Variants in ANKRD6 observed in about 807,000 individuals in gnomAD.
The protein encoded by ANKRD6 is ankyrin repeat domain-containing protein 6.
Under a neutral mutation model 82.3 loss-of-function variants are expected in ANKRD6, and 56 were observed. The observed-to-expected ratio is 0.68, with a 90% confidence interval of 0.55 to 0.85. The LOEUF is 0.85. Ranked by LOEUF, ANKRD6 falls within the 40% of genes least tolerant of loss-of-function variation. The pLI, the probability that ANKRD6 is intolerant of heterozygous loss-of-function variation, is 0.00. For synonymous variants in ANKRD6, 347 were observed against 352.1 expected, an observed-to-expected ratio of 0.99 and a Z score of 0.16; for missense variants, 852 against 907.6, an observed-to-expected ratio of 0.94 and a Z score of 0.79.
At chr6:89,566,169 C>T (rs1033469901) in intron 1 of ANKRD6, among the ~76,000 whole-genome samples, 4 of 152,254 alleles carry the variant, frequency 2.6e-5, no homozygotes, top group Non-Finnish European at 4.4e-5. Context: ...TTGGCAGAGC[C>T]ACTGTTAGTG....
intron 10 of ANKRD6, among the ~76,000 whole-genome samples, 183 bp downstream of exon 10, chr6:89,622,209 G>C (rs1803650190): frequency 6.6e-6 from 1 of 152,186 alleles, no homozygotes; most frequent in African/African-American, 2.4e-5. Flanking sequence ...CATTCCCCAA[G>C]GTTTCAGGCC....
chr6:89,579,468 TCG>T (rs1278082351), intron 2 of ANKRD6, among the ~76,000 whole-genome samples: 1 of 152,074 alleles, frequency 6.6e-6, no homozygotes, highest in Admixed American at 6.6e-5. Context: ...CCTCATGAGA[TCG>T]CCATCAAGAC....
chr6:89,566,200 C>T (rs1788480259), intron 1 of ANKRD6, among the ~76,000 whole-genome samples: 1 of 152,244 alleles, frequency 6.6e-6, no homozygotes. Flanking sequence ...GTGTTGTCCC[C>T]AAGGTGGATT....
intron 4 of ANKRD6, among the ~76,000 whole-genome samples, chr6:89,605,331 G>A (rs1011480224): frequency 1.3e-5 from 2 of 151,506 alleles, no homozygotes; most frequent in Non-Finnish European, 3.0e-5. Context: ...GCAGTGAGCT[G>A]AGATCACACC....
intron 1 of ANKRD6, among the ~76,000 whole-genome samples, chr6:89,488,954 C>T (rs1477193236): frequency 2.0e-5 from 3 of 150,434 alleles, no homozygotes; most frequent in African/African-American, 7.4e-5. Flanking sequence ...TGCTTGTGAC[C>T]TATTAACTTA....
chr6:89,573,270 A>G (rs1480300566), intron 2 of ANKRD6, among the ~76,000 whole-genome samples: 4 of 152,194 alleles, frequency 2.6e-5, no homozygotes, highest in Non-Finnish European at 5.9e-5. Context: ...TAAAAAATAT[A>G]TATCTTATTA....
chr6:89,439,986 C>A (rs1771165496), intron 1 of ANKRD6, among the ~76,000 whole-genome samples: 1 of 152,150 alleles, frequency 6.6e-6, no homozygotes, highest in African/African-American at 2.4e-5. Context: ...CCTAAGCCAC[C>A]ATGCCTGGCC....
At chr6:89,573,627 A>T (rs1790449093) in intron 2 of ANKRD6, among the ~76,000 whole-genome samples, 1 of 152,330 alleles carries the variant, frequency 6.6e-6, no homozygotes, top group Admixed American at 6.5e-5. Flanking sequence ...AAGAAAGGGA[A>T]TATGTACATA....
intron 1 of ANKRD6, among the ~76,000 whole-genome samples, chr6:89,441,936 A>G (rs918436978): frequency 2.6e-5 from 4 of 151,022 alleles, no homozygotes; most frequent in Non-Finnish European, 5.9e-5. Flanking sequence ...CCAGCCAGCC[A>G]TGGTTTTCAA....
intron 1 of ANKRD6, among the ~76,000 whole-genome samples, chr6:89,554,494 TG>T (rs1786304547): frequency 6.6e-6 from 1 of 151,992 alleles, no homozygotes; most frequent in Non-Finnish European, 1.5e-5. Context: ...GACTAAGACA[TG>T]GACATATCTT....
chr6:89,499,216 T>C (rs1778989899), intron 1 of ANKRD6, among the ~76,000 whole-genome samples: 2 of 152,212 alleles, frequency 1.3e-5, no homozygotes, highest in African/African-American at 4.8e-5. Flanking sequence ...AGCCATCACA[T>C]TAAGGCTGGC....
At chr6:89,557,310 A>G (rs1256273426) in intron 1 of ANKRD6, among the ~76,000 whole-genome samples, 1 of 152,150 alleles carries the variant, frequency 6.6e-6, no homozygotes, top group East Asian at 1.9e-4. Context: ...GGGAGCACTG[A>G]GATCTAGAGA....
chr6:89,493,600 A>G (rs1029519846), intron 1 of ANKRD6, among the ~76,000 whole-genome samples: 4 of 151,962 alleles, frequency 2.6e-5, no homozygotes, highest in Non-Finnish European at 5.9e-5. Flanking sequence ...TTTTGTAAAG[A>G]CAGGGCCTCA....
At chr6:89,458,941 C>T (rs1430431409) in intron 1 of ANKRD6, among the ~76,000 whole-genome samples, 1 of 152,224 alleles carries the variant, frequency 6.6e-6, no homozygotes, top group East Asian at 1.9e-4. Context: ...CATGCCCTGC[C>T]ACCCCCACAT....
intron 5 of ANKRD6, among the ~76,000 whole-genome samples, chr6:89,608,191 T>G (rs1799269977): frequency 6.6e-6 from 1 of 152,126 alleles, no homozygotes; most frequent in Admixed American, 6.5e-5. Context: ...GATGGCCAGA[T>G]TGGGTCTGTA....
chr6:89,530,219 C>T lies in ANKRD6; in HGVS notation c.-143-36615C>T, dbSNP rs150553100. 5.7e-3 allele frequency among the ~76,000 whole-genome samples: 862 copies of T among 152,198 alleles called. 10 individuals are homozygous for T. Among genetic ancestry groups the T allele is most frequent in the African/African-American group, 0.019 (781 of 41,538 alleles). On this transcript the variant is annotated intron_variant, in intron 1 of 15. Coordinates refer to ENST00000339746, the MANE Select transcript of ANKRD6 (RefSeq NM_001242809.2). The stretch of plus-strand genomic sequence containing the variant: ...GCAGTGAGCTGTGACTGTGCCACTA[C>T]ACTCCAGCCTGGGCAACAGAGTGAG...
At chr6:89,558,525 C>T (rs1486479516) in intron 1 of ANKRD6, among the ~76,000 whole-genome samples, 1 of 152,014 alleles carries the variant, frequency 6.6e-6, no homozygotes, top group African/African-American at 2.4e-5. Context: ...AAAAGCAAAA[C>T]TCTGGAGAGA....
chr6:89,631,341 T>C lies in ANKRD6; in HGVS notation c.*337T>C. ...TAAGCCTAGACTCTAAAATTCAAGA[T>C]GTGTGAAATAATATAAGTCAAAAGC... On this transcript the variant is annotated 3_prime_UTR_variant, in exon 16 of 16. Transcript: ENST00000339746. The C allele has an allele frequency of 5.3e-6, 1 of 188,770 alleles. No individual in the cohort carries two copies. Among genetic ancestry groups the C allele is most frequent in the South Asian group, 1.6e-4 (1 of 6,310 alleles). 11.7% of individuals were successfully genotyped at this position (188,770 alleles called of 1,614,324 possible).
At chr6:89,510,818 C>G (rs1475621409) in intron 1 of ANKRD6, among the ~76,000 whole-genome samples, 3 of 152,088 alleles carry the variant, frequency 2.0e-5, no homozygotes, top group Admixed American at 6.6e-5. Context: ...TGGCTTTGCT[C>G]TATGCTGTAA....
Sources: allele counts gnomAD v4.1 joint callset (sites outside exome capture counted in the v4.1 genomes callset), GRCh38; gene constraint gnomAD v4.1.1; transcripts MANE v1.5; gene names NCBI Gene and HGNC (gene_info 2026-07-23, HGNC 2026-07-21).